The following ROBO2 variants were observed in gnomAD, a reference collection of about 807,000 sequenced individuals.
ROBO2 encodes the protein roundabout guidance receptor 2, also known as roundabout homolog 2.
A neutral mutation model predicts 160.8 loss-of-function variants in ROBO2; 53 were observed. The ratio of observed to expected loss-of-function variants is 0.33; its 90% confidence interval spans 0.26 to 0.41. The LOEUF (loss-of-function observed/expected upper bound fraction) is 0.41, where lower values mean the gene tolerates loss of function less well. Ranked by LOEUF, ROBO2 falls within the 10% of genes least tolerant of loss-of-function variation. The probability of loss-of-function intolerance (pLI) is 1.00; values close to 1 mark genes in which losing one functional copy is unlikely to be tolerated. For missense variants in ROBO2, 1,577 were observed against 1,722.4 expected, an observed-to-expected ratio of 0.92 and a Z score of 1.49; for synonymous variants, 664 against 611.7, an observed-to-expected ratio of 1.09 and a Z score of -1.26.
chr3:77,222,509 G>A (rs771411818), intron 2 of ROBO2, among the ~76,000 whole-genome samples: 5 of 152,102 alleles, frequency 3.3e-5, no homozygotes, highest in Admixed American at 3.3e-4. Context: ...AAATATAGAG[G>A]AATGTAAGAA....
At chr3:77,204,283 G>A (rs558163104) in intron 2 of ROBO2, among the ~76,000 whole-genome samples, 1 of 152,180 alleles carries the variant, frequency 6.6e-6, no homozygotes, top group South Asian at 2.1e-4. Context: ...ATGGCATTCA[G>A]TGCATGCAAC....
chr3:76,821,345 A>C (rs1282816999), intron 2 of ROBO2, among the ~76,000 whole-genome samples: 1 of 152,008 alleles, frequency 6.6e-6, no homozygotes, highest in Non-Finnish European at 1.5e-5. Flanking sequence ...GTAAATATTA[A>C]GTTTACAGAT....
At chr3:76,495,589 C>A (rs561961324) in intron 2 of ROBO2, among the ~76,000 whole-genome samples, 1 of 135,638 alleles carries the variant, frequency 7.4e-6, no homozygotes, top group African/African-American at 2.5e-5. Flanking sequence ...AGACCATTTT[C>A]TAGTTTTTTT....
chr3:76,904,491 A>G (rs2075454878), intron 2 of ROBO2, among the ~76,000 whole-genome samples: 1 of 152,210 alleles, frequency 6.6e-6, no homozygotes, highest in Non-Finnish European at 1.5e-5. Flanking sequence ...TCTATTTAAA[A>G]GAATGATTCT....
intron 2 of ROBO2, among the ~76,000 whole-genome samples, chr3:76,887,533 G>C (rs1464200953): frequency 2.0e-5 from 3 of 151,936 alleles, no homozygotes; most frequent in African/African-American, 7.3e-5. Context: ...TGTGGGGAAG[G>C]GCAGGAGCGG....
chr3:76,435,458 C>A, intron 2 of ROBO2: 1 of 752,710 alleles, frequency 1.3e-6, no homozygotes, highest in South Asian at 1.4e-5. Context: ...TTTGCCCTCC[C>A]TTCACACCGT....
intron 2 of ROBO2, among the ~76,000 whole-genome samples, chr3:76,718,705 T>A (rs2093420370): frequency 6.6e-6 from 1 of 152,194 alleles, no homozygotes; most frequent in Non-Finnish European, 1.5e-5. Context: ...CTTTGATTTG[T>A]GAGCAATGCT....
intron 2 of ROBO2, among the ~76,000 whole-genome samples, chr3:76,423,433 C>A (rs4856030): frequency 6.6e-6 from 1 of 151,868 alleles, no homozygotes; most frequent in African/African-American, 2.4e-5. Flanking sequence ...CAAGACAACA[C>A]GGAAAGAGAA....
intron 2 of ROBO2, among the ~76,000 whole-genome samples, chr3:76,476,160 C>CA (rs531445341): frequency 3.9e-5 from 6 of 152,150 alleles, no homozygotes; most frequent in Middle Eastern, 3.4e-3. Flanking sequence ...CTCAAACAAA[C>CA]AAAAAAACCC....
chr3:76,136,201 G>C (rs895541180), intron 2 of ROBO2, among the ~76,000 whole-genome samples: 2 of 152,094 alleles, frequency 1.3e-5, no homozygotes, highest in African/African-American at 4.8e-5. Context: ...AATACTCGCT[G>C]ATGGTTTACA....
At chr3:77,361,445 T>C (rs2153467890) in intron 2 of ROBO2, among the ~76,000 whole-genome samples, 1 of 152,280 alleles carries the variant, frequency 6.6e-6, no homozygotes, top group South Asian at 2.1e-4. Flanking sequence ...ATGTTATATA[T>C]CAAGCTATCT....
At chr3:77,230,640 A>C (rs1270206917) in intron 2 of ROBO2, among the ~76,000 whole-genome samples, 1 of 152,208 alleles carries the variant, frequency 6.6e-6, no homozygotes, top group South Asian at 2.1e-4. Context: ...CAAATCTCAA[A>C]GTTTTTATCT....
intron 2 of ROBO2, among the ~76,000 whole-genome samples, chr3:76,232,836 C>T (rs1704702683): frequency 6.6e-6 from 1 of 152,130 alleles, no homozygotes. Flanking sequence ...CACTCCCTCC[C>T]ACTCCACCAC....
At chr3:76,434,068 C>T in intron 2 of ROBO2, 1 of 1,315,280 alleles carries the variant, frequency 7.6e-7, no homozygotes, top group South Asian at 1.2e-5. Flanking sequence ...CAGTGGGCCT[C>T]CTGGAGGCAG....
intron 2 of ROBO2, among the ~76,000 whole-genome samples, chr3:76,272,715 A>G (rs1707522697): frequency 8.3e-6 from 1 of 120,016 alleles, no homozygotes; most frequent in Non-Finnish European, 1.6e-5. Flanking sequence ...TAAAATATAT[A>G]TTATATACAC....
chr3:75,999,893 T>C (rs1214429032), intron 2 of ROBO2, among the ~76,000 whole-genome samples: 1 of 152,272 alleles, frequency 6.6e-6, no homozygotes, highest in Non-Finnish European at 1.5e-5. Context: ...TGTTATTAAA[T>C]GATACTGCAA....
chr3:77,554,972 A>G (rs1376149653), intron 8 of ROBO2, among the ~76,000 whole-genome samples: 1 of 151,976 alleles, frequency 6.6e-6, no homozygotes. Flanking sequence ...TGAAAGGAAT[A>G]GTGAATCAAT....
At chr3:76,939,195 A>T (rs2149099959) in intron 2 of ROBO2, among the ~76,000 whole-genome samples, 1 of 152,276 alleles carries the variant, frequency 6.6e-6, no homozygotes, top group East Asian at 1.9e-4. Context: ...ATTGCCCCAT[A>T]CTTAGCATTA....
At chr3:76,973,821 G>A (rs1205602411) in intron 2 of ROBO2, among the ~76,000 whole-genome samples, 6 of 152,114 alleles carry the variant, frequency 3.9e-5, no homozygotes, top group Non-Finnish European at 7.4e-5. Context: ...AGGGCTCACC[G>A]TCTAGTTCAA....
Sources: allele counts gnomAD v4.1 joint callset (sites outside exome capture counted in the v4.1 genomes callset), GRCh38; gene constraint gnomAD v4.1.1; transcripts MANE v1.5; gene names NCBI Gene and HGNC (gene_info 2026-07-23, HGNC 2026-07-21).